GPR158: variants seen among roughly 807,000 people sequenced by gnomAD.
GPR158 encodes the protein G protein-coupled receptor 158.
GPR158 carries 30 observed loss-of-function variants against 78.2 expected under a neutral mutation model. That is an observed-to-expected ratio of 0.38 (90% CI 0.29 to 0.52). The LOEUF (loss-of-function observed/expected upper bound fraction) is 0.52, where lower values mean the gene tolerates loss of function less well. Among genes scored for constraint, GPR158 ranks in the 20% least tolerant of loss-of-function variants. The pLI, the probability that GPR158 is intolerant of heterozygous loss-of-function variation, is 0.83. For synonymous variants in GPR158, 581 were observed against 591.1 expected (o/e 0.98, Z 0.25); for missense variants, 1,463 against 1,523.5 (o/e 0.96, Z 0.66).
chr10:25,428,249 TCTTGTCA>T (rs1834850439), intron 4 of GPR158, among the ~76,000 whole-genome samples: 1 of 152,130 alleles, frequency 6.6e-6, no homozygotes, highest in African/African-American at 2.4e-5. Context: ...ATATCTATTT[TCTTGTCA>T]CTTGAGAGTT....
intron 2 of GPR158, among the ~76,000 whole-genome samples, chr10:25,374,084 T>C (rs1348259569): frequency 6.6e-6 from 1 of 151,710 alleles, no homozygotes; most frequent in East Asian, 1.9e-4. Context: ...GAATTTTCCT[T>C]ATTAAGTTTA....
rs74126249 is a variant in GPR158, at chr10:25,593,323, T to C, written c.1893-969T>C. 5.4e-3 allele frequency among the ~76,000 whole-genome samples: 827 copies of C among 152,150 alleles called. 10 individuals carry two copies. The highest frequency in any genetic ancestry group is 0.019 in the African/African-American group (780 of 41,544). On this transcript the variant is annotated intron_variant, in intron 8 of 10. Transcript: ENST00000376351. ...TCATTAATATGGTAGAATGAAGATA[T>C]AAAAATTAGTTTCTTCCTATTTTAG...
chr10:25,235,200 T>G (rs1853503518), intron 2 of GPR158, among the ~76,000 whole-genome samples: 1 of 152,164 alleles, frequency 6.6e-6, no homozygotes, highest in Non-Finnish European at 1.5e-5. Context: ...CAAAAGTGCT[T>G]GGTAGTCTGG....
intron 1 of GPR158, among the ~76,000 whole-genome samples, chr10:25,216,361 TGAG>T (rs373572558): frequency 7.9e-5 from 12 of 152,246 alleles, no homozygotes; most frequent in African/African-American, 2.6e-4. Flanking sequence ...CAAGGTAACA[TGAG>T]GAGGGAGGAA....
intron 5 of GPR158, among the ~76,000 whole-genome samples, chr10:25,477,682 C>T (rs569813967): frequency 7.2e-5 from 11 of 151,844 alleles, no homozygotes; most frequent in African/African-American, 1.4e-4. Flanking sequence ...GAAAAAAAAA[C>T]GAAATTGGAA....
At chr10:25,558,843 C>A (rs75565417) in intron 6 of GPR158, among the ~76,000 whole-genome samples, 1 of 152,170 alleles carries the variant, frequency 6.6e-6, no homozygotes, top group African/African-American at 2.4e-5. Context: ...ATTCCATTGT[C>A]GTGAGAGCAC....
At chr10:25,209,481 C>A (rs1853098809) in intron 1 of GPR158, among the ~76,000 whole-genome samples, 1 of 151,748 alleles carries the variant, frequency 6.6e-6, no homozygotes. Flanking sequence ...CCCACTAAAC[C>A]AGAATCTTTT....
At chr10:25,197,128 C>T (rs537472069) in intron 1 of GPR158, among the ~76,000 whole-genome samples, 4 of 152,302 alleles carry the variant, frequency 2.6e-5, no homozygotes, top group South Asian at 2.1e-4. Context: ...GGTAGAGAAA[C>T]ATATGATCTG....
chr10:25,380,722 T>C (rs1301910922), intron 2 of GPR158, among the ~76,000 whole-genome samples: 1 of 152,198 alleles, frequency 6.6e-6, no homozygotes, highest in Non-Finnish European at 1.5e-5. Flanking sequence ...TTAAAAATAA[T>C]GGTAAGATCA....
chr10:25,375,880 A>G (rs758533278), intron 2 of GPR158, among the ~76,000 whole-genome samples: 10 of 151,722 alleles, frequency 6.6e-5, no homozygotes, highest in Non-Finnish European at 1.0e-4. Flanking sequence ...AGGAGCTACA[A>G]TTTTTAATGT....
At chr10:25,551,118 G>A (rs1445482238) in intron 6 of GPR158, 33 bp downstream of exon 6, 2 of 1,205,572 alleles carry the variant, frequency 1.7e-6, no homozygotes, top group South Asian at 1.2e-5. Flanking sequence ...CATTCTCATG[G>A]AAAGATCAAA....
At chr10:25,594,127 C>A in intron 8 of GPR158, 165 bp from the exon 9 acceptor site, 1 of 548,328 alleles carries the variant, frequency 1.8e-6, no homozygotes, top group Admixed American at 3.4e-5. Context: ...TCAAATTAAG[C>A]TTAGACTTTA....
chr10:25,601,450 T>G lies in GPR158; in HGVS notation c.*2176T>G, dbSNP rs1837496506. Reference sequence around the variant, plus strand: ...TCCTAGACCCACATATTTGTTTCATTTATGTCTGAAATCTGTTAGCACTTG... The same window carrying G: ...TCCTAGACCCACATATTTGTTTCATGTATGTCTGAAATCTGTTAGCACTTG... On this transcript the variant is annotated 3_prime_UTR_variant, in exon 11 of 11. Transcript: ENST00000376351. The G allele has an allele frequency of 2.0e-5, 3 of 152,622 alleles. No individual in the cohort carries two copies. Among genetic ancestry groups the G allele is most frequent in the Admixed American group, 2.0e-4 (3 of 15,274 alleles). 9.5% of individuals were successfully genotyped at this position (152,622 alleles called of 1,614,324 possible). A position where few individuals can be genotyped will look rare whatever the true frequency, so the allele number is the denominator to read the frequency against.
intron 2 of GPR158, among the ~76,000 whole-genome samples, chr10:25,241,313 T>C (rs1344435226): frequency 1.5e-5 from 2 of 134,274 alleles, no homozygotes; most frequent in African/African-American, 6.8e-5. Context: ...TCTTTTCTTT[T>C]CTCTTCTCTT....
chr10:25,489,867 G>T (rs1835781394), intron 5 of GPR158, among the ~76,000 whole-genome samples: 1 of 152,052 alleles, frequency 6.6e-6, no homozygotes. Context: ...ATACAAATTA[G>T]AAATATAAAT....
chr10:25,336,781 G>C (rs540188006), intron 2 of GPR158, among the ~76,000 whole-genome samples: 74 of 152,194 alleles, frequency 4.9e-4, no homozygotes, highest in African/African-American at 1.7e-3. Context: ...AAAAGAGTGA[G>C]ATGAAGGAAA....
At chr10:25,596,504 TATCTATATATATAG>T in intron 9 of GPR158, 125 bp from the exon 10 acceptor site, 1 of 588,022 alleles carries the variant, frequency 1.7e-6, no homozygotes. Context: ...TCTATCTATC[TATCTATATATATAG>T]ATAGATAGAT....
chr10:25,204,991 T>A (rs532427646), intron 1 of GPR158, among the ~76,000 whole-genome samples: 77 of 152,068 alleles, frequency 5.1e-4, no homozygotes, highest in Non-Finnish European at 9.4e-4. Flanking sequence ...TCCCCCATAC[T>A]GTTCTTATGC....
At position 25,176,244 on chromosome 10, in the gene GPR158, G is replaced by C; in HGVS notation, c.824G>C (p.Gly275Ala). The change falls in exon 1 of 11, where the codon GGG (glycine) becomes GCG (alanine). Residue 275 changes from glycine to alanine, a missense_variant. Physicochemically the swap from Gly to Ala is moderately conservative, Grantham distance 60 (BLOSUM62 0). Transcript: ENST00000376351. This position sits in a 1 kb window ranked among gnomAD's most constrained non-coding sequence, Gnocchi z 6.3. ...CCGCCTTATCTGGAGTGCGAGAACG[G>C]GAGTTACAAGCCCGGGTGGCTGGTT... ...WSPPYLECEN[G>A]SYKPGWLVTL... 1 of 1,608,744 alleles carries C rather than the reference G, an allele frequency of 6.2e-7. No homozygotes were observed.
Sources: allele counts gnomAD v4.1 joint callset (sites outside exome capture counted in the v4.1 genomes callset), GRCh38; gene constraint gnomAD v4.1.1; non-coding constraint Gnocchi (gnomAD v3.1); transcripts MANE v1.5; gene names NCBI Gene and HGNC (gene_info 2026-07-23, HGNC 2026-07-21).